RSRC1: variants seen among roughly 807,000 people sequenced by gnomAD.
The protein encoded by RSRC1 is serine/Arginine-related protein 53.
Under a neutral mutation model 49.1 loss-of-function variants are expected in RSRC1, and 39 were observed. The ratio of observed to expected loss-of-function variants is 0.79; its 90% CI spans 0.61 to 1.04. RSRC1 has a LOEUF of 1.04. Ranked by LOEUF, RSRC1 falls within the 50% of genes least tolerant of loss-of-function variation. The pLI is 0.00. For missense variants in RSRC1, 388 were observed against 402.4 expected (o/e 0.96, Z 0.31); for synonymous variants, 143 against 130.8 (o/e 1.09, Z -0.63).
intron 3 of RSRC1, among the ~76,000 whole-genome samples, chr3:158,127,853 C>A (rs909014510): frequency 6.7e-6 from 1 of 148,642 alleles, no homozygotes; most frequent in African/African-American, 2.5e-5. Flanking sequence ...GGGGAAAGTC[C>A]TTCACCAACC....
chr3:158,497,428 A>C (rs1578546778), intron 7 of RSRC1, among the ~76,000 whole-genome samples: 3 of 127,978 alleles, frequency 2.3e-5, no homozygotes. Context: ...AAGTCCTCAC[A>C]GTCCATTGTA....
At chr3:158,474,937 A>G (rs1469697610) in intron 7 of RSRC1, among the ~76,000 whole-genome samples, 1 of 151,952 alleles carries the variant, frequency 6.6e-6, no homozygotes, top group African/African-American at 2.4e-5. Flanking sequence ...GGTGGTTGAG[A>G]TAGGGTCTTG....
chr3:158,314,242 C>CTGTAATT (rs1481868804), intron 5 of RSRC1, among the ~76,000 whole-genome samples: 55 of 152,204 alleles, frequency 3.6e-4, no homozygotes, highest in African/African-American at 1.3e-3. Flanking sequence ...AGGTGCCTGC[C>CTGTAATT]ACCACGCCTG....
At chr3:158,308,381 C>A (rs1469391072) in intron 5 of RSRC1, among the ~76,000 whole-genome samples, 1 of 151,878 alleles carries the variant, frequency 6.6e-6, no homozygotes, top group Non-Finnish European at 1.5e-5. Flanking sequence ...ATGCTTATTA[C>A]TCTAATGATT....
chr3:158,302,961 A>G (rs1475691018), intron 5 of RSRC1: 1 of 152,044 alleles, frequency 6.6e-6, no homozygotes, highest in Admixed American at 6.6e-5. Context: ...AACCACGCCC[A>G]GTGACTCCAT....
Position 158,138,968 on chromosome 3 carries a change from ATTGT to A in RSRC1, c.320+14981_320+14984del, listed in dbSNP as rs138447718. Among the ~76,000 whole-genome samples, 188 of 152,140 alleles carry A rather than the reference ATTGT, an allele frequency of 1.2e-3. 2 individuals carry two copies. Among genetic ancestry groups the A allele is most frequent in the African/African-American group, 3.5e-3 (145 of 41,484 alleles). On this transcript the variant is annotated intron_variant, in intron 3 of 9. Transcript: ENST00000611884. ...ATTTTGTTTAGTCTATGTTTCACTC[ATTGT>A]TTGGTGAGGAAGGGTCTAGAGTATT...
At chr3:158,344,406 T>G (rs773900080) in intron 5 of RSRC1, among the ~76,000 whole-genome samples, 2 of 152,186 alleles carry the variant, frequency 1.3e-5, no homozygotes, top group Non-Finnish European at 2.9e-5. Flanking sequence ...CAAATAGGTA[T>G]GAAAGCAGAT....
At chr3:158,328,739 A>T (rs1026537779) in intron 5 of RSRC1, among the ~76,000 whole-genome samples, 1 of 152,184 alleles carries the variant, frequency 6.6e-6, no homozygotes, top group East Asian at 1.9e-4. Context: ...CTCGAGGAGT[A>T]TCTTTGTGGC....
At chr3:158,204,341 A>T (rs1479131910) in intron 4 of RSRC1, among the ~76,000 whole-genome samples, 1 of 152,076 alleles carries the variant, frequency 6.6e-6, no homozygotes, top group East Asian at 1.9e-4. Flanking sequence ...TGGAGTTTGG[A>T]AGAGGATAAC....
At chr3:158,470,895 G>A (rs1249127381) in intron 7 of RSRC1, among the ~76,000 whole-genome samples, 2 of 152,156 alleles carry the variant, frequency 1.3e-5, no homozygotes, top group Non-Finnish European at 2.9e-5. Flanking sequence ...GGCAAGAGAG[G>A]TTGAGGTAGA....
chr3:158,217,412 G>A (rs899298943), intron 4 of RSRC1, among the ~76,000 whole-genome samples: 10 of 151,574 alleles, frequency 6.6e-5, no homozygotes, highest in Admixed American at 2.0e-4. Flanking sequence ...TGGAGTAAAC[G>A]GTCTCTCAAG....
intron 5 of RSRC1, among the ~76,000 whole-genome samples, chr3:158,302,021 T>C (rs1578310088): frequency 6.7e-6 from 1 of 149,218 alleles, no homozygotes; most frequent in Non-Finnish European, 1.5e-5. Context: ...TTAAACTGTG[T>C]GTGTGTATGT....
intron 7 of RSRC1, among the ~76,000 whole-genome samples, chr3:158,514,235 C>A (rs1480731049): frequency 2.6e-5 from 4 of 152,258 alleles, no homozygotes; most frequent in East Asian, 3.9e-4. Flanking sequence ...ATCTTTCCTG[C>A]TTTCTCTTGT....
chr3:158,299,320 T>TTTTA (rs1283677025), intron 5 of RSRC1, among the ~76,000 whole-genome samples: 29 of 151,780 alleles, frequency 1.9e-4, no homozygotes, highest in South Asian at 4.1e-4. Flanking sequence ...TATTTTTTAT[T>TTTTA]TTTATTTATT....
chr3:158,366,554 G>C (rs1322566243), intron 6 of RSRC1, among the ~76,000 whole-genome samples: 1 of 152,126 alleles, frequency 6.6e-6, no homozygotes, highest in African/African-American at 2.4e-5. Flanking sequence ...CCGTAGCCTT[G>C]TATTATAGTT....
At chr3:158,530,900 A>T (rs28491830) in intron 7 of RSRC1, among the ~76,000 whole-genome samples, 25,324 of 138,344 alleles carry the variant, frequency 0.18, 2,591 homozygotes, top group African/African-American at 0.32. Flanking sequence ...ATAATAAAAA[A>T]AAAAATAATA....
At chr3:158,222,595 A>G (rs1006574658) in intron 4 of RSRC1, among the ~76,000 whole-genome samples, 1 of 151,576 alleles carries the variant, frequency 6.6e-6, no homozygotes, top group African/African-American at 2.4e-5. Flanking sequence ...TTGATGGCAT[A>G]TATTCATTCT....
intron 4 of RSRC1, among the ~76,000 whole-genome samples, chr3:158,212,657 G>A (rs982781766): frequency 6.6e-6 from 1 of 151,858 alleles, no homozygotes; most frequent in African/African-American, 2.4e-5. Flanking sequence ...TTTAACTGAA[G>A]GCCTTAGTGT....
At chr3:158,518,099 T>C (rs61559110) in intron 7 of RSRC1, among the ~76,000 whole-genome samples, 80 of 34,140 alleles carry the variant, frequency 2.3e-3, no homozygotes, top group Middle Eastern at 0.038. Flanking sequence ...TGCGTGCGTG[T>C]GTGTGTGTGT....
Sources: allele counts gnomAD v4.1 joint callset (sites outside exome capture counted in the v4.1 genomes callset), GRCh38; gene constraint gnomAD v4.1.1; transcripts MANE v1.5; gene names NCBI Gene and HGNC (gene_info 2026-07-23, HGNC 2026-07-21).